The following CRYBB1 variants were observed in gnomAD, a reference collection of about 807,000 sequenced individuals.
CRYBB1 encodes the protein beta-crystallin B1.
CRYBB1 carries 16 observed loss-of-function variants against 29.5 expected under a neutral mutation model. The ratio of observed to expected loss-of-function variants is 0.54; its 90% CI spans 0.37 to 0.82. CRYBB1 has a LOEUF of 0.82. Among genes scored for constraint, CRYBB1 ranks in the 40% least tolerant of loss-of-function variants. The pLI, the probability that CRYBB1 is intolerant of heterozygous loss-of-function variation, is 0.00. For synonymous variants in CRYBB1, 127 were observed against 136.7 expected (o/e 0.93, Z 0.49); for missense variants, 300 against 350.5 (o/e 0.86, Z 1.15).
intron 4 of CRYBB1, among the ~76,000 whole-genome samples, chr22:26,603,180 G>T (rs1928877734): frequency 6.6e-6 from 1 of 150,988 alleles, no homozygotes. Context: ...TTTATGCACT[G>T]GTGATCTTGG....
intron 4 of CRYBB1, 42 bp downstream of exon 4, chr22:26,607,847 C>T: frequency 2.5e-6 from 4 of 1,613,766 alleles, no homozygotes; most frequent in Non-Finnish European, 3.4e-6. Context: ...CTGCCCTGCC[C>T]CGCCTGGCTG....
chr22:26,613,849 CA>C (rs1000643517), intron 2 of CRYBB1, among the ~76,000 whole-genome samples: 4 of 152,186 alleles, frequency 2.6e-5, no homozygotes, highest in African/African-American at 9.7e-5. Flanking sequence ...CTTTCAAAAG[CA>C]AATGGGAGAA....
At chr22:26,610,248 G>A (rs1929115481) in intron 3 of CRYBB1, among the ~76,000 whole-genome samples, 1 of 152,192 alleles carries the variant, frequency 6.6e-6, no homozygotes, top group South Asian at 2.1e-4. Flanking sequence ...CCCAGCCTAA[G>A]GTCACATGAT....
rs1270513401 is a variant in CRYBB1 at position 26,601,863 on chromosome 22, C to A, written c.575+16G>T. The A allele has an allele frequency of 3.1e-6, 5 of 1,611,754 alleles. No individual in the cohort carries two copies. In the African/African-American group the frequency reaches 5.3e-5, roughly 17 times the overall value. On this transcript the variant is annotated intron_variant, in intron 5 of 5. Coordinates refer to ENST00000647684, the MANE Select transcript of CRYBB1 (RefSeq NM_001887.4). ...CTTGAAGCAGGGGACGCGGACCTGG[C>A]AGGAGGGATGCTTACGTTCCACTGG...
At position 26,616,189 on chromosome 22, in the gene CRYBB1, A is replaced by G; in HGVS notation, c.131T>C (p.Val44Ala). ...SPGTTLAPTTVPITSAKAAEL... is the reference protein window; with the variant it reads ...SPGTTLAPTTAPITSAKAAEL... ...CGCCGCCTTGGCGCTGGTAATAGGC[A>G]CGGTTGTTGGGGCCAGGGTAGTGCC... The change falls in exon 2 of 6, where the codon GTG becomes GCG. Residue 44 changes from valine (V) to alanine (A), a missense_variant. By Grantham distance (64) the Val-to-Ala change is moderately conservative. Coordinates refer to ENST00000647684, the MANE Select transcript of CRYBB1 (RefSeq NM_001887.4). 6.2e-7 allele frequency: 1 copy of G among 1,614,186 alleles called. No homozygotes were observed. Among genetic ancestry groups the G allele is most frequent in the Non-Finnish European group, 8.5e-7 (1 of 1,180,028 alleles).
chr22:26,601,801 T>C, intron 5 of CRYBB1, 78 bp downstream of exon 5: 3 of 1,604,132 alleles, frequency 1.9e-6, no homozygotes, highest in East Asian at 2.2e-5. Flanking sequence ...TCTGATGTTA[T>C]AACCTGTAAG....
At chr22:26,607,812 C>T (rs1834532638) in intron 4 of CRYBB1, 77 bp downstream of exon 4, 1 of 1,602,894 alleles carries the variant, frequency 6.2e-7, no homozygotes, top group Non-Finnish European at 8.5e-7. Flanking sequence ...CTCCTTCTTG[C>T]CCTTGTCAGA....
chr22:26,613,257 G>A (rs1929237435), intron 2 of CRYBB1, among the ~76,000 whole-genome samples: 1 of 152,238 alleles, frequency 6.6e-6, no homozygotes, highest in African/African-American at 2.4e-5. Context: ...CATGGACCAA[G>A]GCACAATTTT....
intron 4 of CRYBB1, among the ~76,000 whole-genome samples, chr22:26,602,572 C>T (rs1470165597): frequency 1.4e-5 from 2 of 148,140 alleles, no homozygotes; most frequent in Non-Finnish European, 3.0e-5. Context: ...GCCTGGGTGA[C>T]AGAGCAAGAC....
chr22:26,615,151 C>T (rs142968057), intron 2 of CRYBB1, among the ~76,000 whole-genome samples: 1 of 152,314 alleles, frequency 6.6e-6, no homozygotes, highest in Non-Finnish European at 1.5e-5. Context: ...CACATGAGAG[C>T]GTGTCATGAA....
rs1314386742 is a variant in CRYBB1, at chr22:26,602,424, A to C, written c.433-403T>G. On this transcript the variant is annotated intron_variant, in intron 4 of 5. Transcript: ENST00000647684. ...CATAGCAAGATCCTGTCTCTCAAAA[A>C]AATAATTTTTTTTTTAATTTGCCAG... Among the ~76,000 whole-genome samples, 3 of 151,982 alleles carry C rather than the reference A, an allele frequency of 2.0e-5. No homozygotes were observed. In the East Asian group the frequency reaches 5.8e-4, roughly 29 times the overall value.
chr22:26,605,185 T>G (rs1344958723), intron 4 of CRYBB1, among the ~76,000 whole-genome samples: 1 of 152,180 alleles, frequency 6.6e-6, no homozygotes, highest in Non-Finnish European at 1.5e-5. Flanking sequence ...GAGCCCCCAG[T>G]TCCTGCTTCT....
rs1275432698 is a variant in CRYBB1 at position 26,608,997 on chromosome 22, AG to A, written c.300-977del. On this transcript the variant is annotated intron_variant, in intron 3 of 5. Transcript: ENST00000647684. ...GAAGTGAGCTTGTGTTACAGGGACC[AG>A]GGATTGTGGCAGTGCAGGTGGGGTA... 4.6e-5 allele frequency among the ~76,000 whole-genome samples: 7 copies of A among 152,332 alleles called. No individual in the cohort carries two copies. In the East Asian group the frequency reaches 1.3e-3, roughly 29 times the overall value.
rs751887460 is a variant in CRYBB1, at chr22:26,616,219, C to G, written c.101G>C (p.Ser34Thr). Residue 34 changes from serine to threonine, a missense_variant, in exon 2 of 6, where the codon AGT becomes ACT. By Grantham distance (58) the Ser-to-Thr change is moderately conservative. Coordinates refer to ENST00000647684, the MANE Select transcript of CRYBB1 (RefSeq NM_001887.4). ...KGAPPAGTSP[S>T]PGTTLAPTTV... ...TGTTGGGGCCAGGGTAGTGCCGGGA[C>G]TAGGGGATGTTCCTGCAGGTGGGGC... The G allele has an allele frequency of 1.2e-6, 2 of 1,614,178 alleles. No homozygotes were observed. Among genetic ancestry groups the G allele is most frequent in the Non-Finnish European group, 1.7e-6 (2 of 1,180,004 alleles).
At chr22:26,608,087 C>G in intron 3 of CRYBB1, 66 bp from the exon 4 acceptor site, 8 of 1,612,348 alleles carry the variant, frequency 5.0e-6, no homozygotes, top group African/African-American at 1.3e-5. Context: ...CCACTCCCTA[C>G]TTGCCTTTCT....
chr22:26,602,590 C>CAA (rs3885494), intron 4 of CRYBB1, among the ~76,000 whole-genome samples: 2 of 132,242 alleles, frequency 1.5e-5, no homozygotes, highest in Admixed American at 7.8e-5. Flanking sequence ...GACCCTGTCT[C>CAA]AAAAAAAAAA....
At chr22:26,614,746 C>T (rs1379536845) in intron 2 of CRYBB1, among the ~76,000 whole-genome samples, 1 of 152,088 alleles carries the variant, frequency 6.6e-6, no homozygotes, top group African/African-American at 2.4e-5. Context: ...AATTCCAGCA[C>T]TTGGGGAGGC....
chr22:26,599,462 G>A lies in CRYBB1; in HGVS notation c.*28C>T, dbSNP rs779562827. The A allele has an allele frequency of 1.1e-5, 17 of 1,592,622 alleles. No individual in the cohort carries two copies. Among genetic ancestry groups the A allele is most frequent in the Middle Eastern group, 2.2e-4 (1 of 4,456 alleles). ...AATAATTGAACATGAAGAAGGGTTG[G>A]GGCAAGGTAGCAGAGTGAGGTGTGG... On this transcript the variant is annotated 3_prime_UTR_variant, in exon 6 of 6. Coordinates refer to ENST00000647684, the MANE Select transcript of CRYBB1 (RefSeq NM_001887.4).
At chr22:26,612,427 A>G (rs1447000690) in intron 2 of CRYBB1, among the ~76,000 whole-genome samples, 3 of 152,118 alleles carry the variant, frequency 2.0e-5, no homozygotes, top group South Asian at 2.1e-4. Flanking sequence ...CAGTGGCGCA[A>G]TCATGGCTCA....
Sources: allele counts gnomAD v4.1 joint callset (sites outside exome capture counted in the v4.1 genomes callset), GRCh38; gene constraint gnomAD v4.1.1; transcripts MANE v1.5; gene names NCBI Gene and HGNC (gene_info 2026-07-23, HGNC 2026-07-21).